Variants in ADAM23 observed in about 807,000 individuals in gnomAD.
The protein encoded by ADAM23 is ADAM metallopeptidase domain 23.
A neutral mutation model predicts 120.1 loss-of-function variants in ADAM23; 33 were observed. The observed-to-expected ratio is 0.27, with a 90% confidence interval of 0.21 to 0.37. The LOEUF (loss-of-function observed/expected upper bound fraction) is 0.37, where lower values mean the gene tolerates loss of function less well. Among genes scored for constraint, ADAM23 ranks in the 10% least tolerant of loss-of-function variants. The pLI is 1.00. For missense variants in ADAM23, 862 were observed against 1,058.2 expected, an observed-to-expected ratio of 0.81 and a Z score of 2.57; for synonymous variants, 367 against 375.2, an observed-to-expected ratio of 0.98 and a Z score of 0.25.
At chr2:206,591,771 T>C (rs1698430482) in intron 21 of ADAM23, among the ~76,000 whole-genome samples, 1 of 152,218 alleles carries the variant, frequency 6.6e-6, no homozygotes, top group Admixed American at 6.5e-5. Flanking sequence ...ATCAGTATTA[T>C]GTATATAAGA....
At chr2:206,472,485 C>T (rs1050955339) in intron 2 of ADAM23, among the ~76,000 whole-genome samples, 14 of 151,586 alleles carry the variant, frequency 9.2e-5, no homozygotes, top group Non-Finnish European at 1.8e-4. Flanking sequence ...TATTGGCGCA[C>T]ACCTGTAGTC....
chr2:206,617,044 G>C (rs1686210739), intron 25 of ADAM23, among the ~76,000 whole-genome samples: 1 of 152,108 alleles, frequency 6.6e-6, no homozygotes, highest in Non-Finnish European at 1.5e-5. Context: ...TATAAAAAAT[G>C]CTTGTTCTAT....
At chr2:206,495,282 T>A (rs1471912210) in intron 3 of ADAM23, among the ~76,000 whole-genome samples, 2 of 152,194 alleles carry the variant, frequency 1.3e-5, no homozygotes, top group African/African-American at 4.8e-5. Context: ...GGGAAGCCCA[T>A]CAGACTAACA....
Position 206,524,651 on chromosome 2 carries a change from C to T in ADAM23, c.510-6234C>T, listed in dbSNP as rs550999290. Among the ~76,000 whole-genome samples, 111 of 152,254 alleles carry T rather than the reference C, an allele frequency of 7.3e-4. No homozygotes were observed. The South Asian group carries it at 0.013, about 17-fold the overall frequency. On this transcript the variant is annotated intron_variant, in intron 3 of 25. Transcript: ENST00000264377. ...ACATGGTGGCAGACAAGAGAGAATG[C>T]GAGTCAAGTGAAAGGGGTTTCCCCT...
chr2:206,572,315 A>G (rs1233919068), intron 17 of ADAM23, among the ~76,000 whole-genome samples: 2 of 152,162 alleles, frequency 1.3e-5, no homozygotes, highest in African/African-American at 2.4e-5. Context: ...GTGTATATAC[A>G]TGGTTTGTGT....
intron 21 of ADAM23, 124 bp from the exon 22 acceptor site, chr2:206,592,493 A>G: frequency 1.6e-6 from 2 of 1,247,602 alleles, no homozygotes; most frequent in South Asian, 1.5e-5. Context: ...TATATGATCA[A>G]ATGTTTTTGT....
chr2:206,483,716 A>G (rs1695944645), intron 3 of ADAM23, among the ~76,000 whole-genome samples: 1 of 152,148 alleles, frequency 6.6e-6, no homozygotes, highest in Non-Finnish European at 1.5e-5. Flanking sequence ...TAATCTAATG[A>G]GGTAAGAGGC....
intron 9 of ADAM23, among the ~76,000 whole-genome samples, chr2:206,550,680 C>T (rs564224772): frequency 6.6e-6 from 1 of 151,094 alleles, no homozygotes; most frequent in East Asian, 2.0e-4. Context: ...CGGCTCACTG[C>T]AAGCTCCGCC....
chr2:206,605,897 G>A, intron 24 of ADAM23: 1 of 652,156 alleles, frequency 1.5e-6, no homozygotes, highest in Non-Finnish European at 2.7e-6. Context: ...ATCCTTGCCA[G>A]TTTCAGAGTG....
intron 2 of ADAM23, among the ~76,000 whole-genome samples, chr2:206,463,665 G>C (rs763094361): frequency 6.6e-6 from 1 of 152,332 alleles, no homozygotes; most frequent in South Asian, 2.1e-4. Context: ...AACTGAGCCT[G>C]TTCAGCTCAG....
intron 21 of ADAM23, among the ~76,000 whole-genome samples, chr2:206,590,454 G>A (rs1224303138): frequency 1.3e-5 from 2 of 152,022 alleles, no homozygotes; most frequent in African/African-American, 4.8e-5. Flanking sequence ...AGGTTATTAA[G>A]GTTAATTGAA....
chr2:206,477,897 A>AAAAAAAAATATATATAT (rs374524658), intron 2 of ADAM23, among the ~76,000 whole-genome samples: 1 of 93,574 alleles, frequency 1.1e-5, no homozygotes, highest in East Asian at 2.6e-4. Flanking sequence ...AAAAAAAAAA[A>AAAAAAAAATATATATAT]ATATATATAT....
intron 3 of ADAM23, among the ~76,000 whole-genome samples, chr2:206,528,110 A>G (rs1299513310): frequency 2.6e-5 from 4 of 152,174 alleles, no homozygotes; most frequent in African/African-American, 9.7e-5. Context: ...ATGTGCTCCA[A>G]TGATTGTGTG....
At chr2:206,466,963 C>T (rs941533758) in intron 2 of ADAM23, among the ~76,000 whole-genome samples, 4 of 151,952 alleles carry the variant, frequency 2.6e-5, no homozygotes, top group African/African-American at 4.8e-5. Flanking sequence ...AAGTGTGACA[C>T]ACTCTTAAAC....
intron 2 of ADAM23, among the ~76,000 whole-genome samples, chr2:206,476,008 A>ATAGAATAAACATTGTTTTTTCTATGT (rs1695767132): frequency 3.3e-5 from 5 of 152,224 alleles, no homozygotes; most frequent in Admixed American, 2.0e-4. Flanking sequence ...TTTAACAGAC[A>ATAGAATAAACATTGTTTTTTCTATGT]TAGAATAAAC....
At chr2:206,515,289 T>G (rs978034322) in intron 3 of ADAM23, among the ~76,000 whole-genome samples, 1 of 152,164 alleles carries the variant, frequency 6.6e-6, no homozygotes, top group African/African-American at 2.4e-5. Context: ...CACGGCAGTT[T>G]TGGTGATTGA....
chr2:206,461,387 T>C (rs1323977038), intron 2 of ADAM23, among the ~76,000 whole-genome samples: 1 of 152,166 alleles, frequency 6.6e-6, no homozygotes, highest in Non-Finnish European at 1.5e-5. Context: ...TATCTGTTTT[T>C]GCATATTTTA....
At chr2:206,594,202 GAAT>G (rs1559281213) in intron 22 of ADAM23, among the ~76,000 whole-genome samples, 2 of 151,410 alleles carry the variant, frequency 1.3e-5, no homozygotes. Flanking sequence ...ACAATTCTTA[GAAT>G]ATTATCCCCA....
chr2:206,582,584 G>T (rs2105841102), intron 18 of ADAM23, among the ~76,000 whole-genome samples: 1 of 152,186 alleles, frequency 6.6e-6, no homozygotes, highest in Admixed American at 6.5e-5. Flanking sequence ...CATGCTCTTT[G>T]TTGCCTGTGT....
Sources: gnomAD v4.1 joint callset for allele counts (sites outside exome capture counted in the v4.1 genomes callset) on GRCh38, gnomAD v4.1.1 for gene constraint, MANE v1.5 for transcripts, NCBI Gene and HGNC (gene_info 2026-07-23, HGNC 2026-07-21) for gene names.